PTPN12: variants seen among roughly 807,000 people sequenced by gnomAD.
PTPN12 encodes the protein tyrosine-protein phosphatase non-receptor type 12.
In PTPN12, 29 loss-of-function variants were observed where a neutral mutation model predicts 97.6. That is an observed-to-expected ratio of 0.30 (90% confidence interval 0.22 to 0.41). The LOEUF is 0.41. PTPN12 is among the 10% of genes least tolerant of loss of function. The pLI, the probability that PTPN12 is intolerant of heterozygous loss-of-function variation, is 1.00. For missense variants in PTPN12, 819 were observed against 926.0 expected, an observed-to-expected ratio of 0.88 and a Z score of 1.50; for synonymous variants, 327 against 300.4, an observed-to-expected ratio of 1.09 and a Z score of -0.91.
chr7:77,604,014 G>A (rs919185373), intron 8 of PTPN12, among the ~76,000 whole-genome samples: 48 of 144,482 alleles, frequency 3.3e-4, no homozygotes, highest in African/African-American at 1.1e-3. Flanking sequence ...TCAGCCTCCC[G>A]AGTACTGGGA....
At chr7:77,601,053 C>A (rs1788173480) in intron 8 of PTPN12, 1 of 371,578 alleles carries the variant, frequency 2.7e-6, no homozygotes, top group Admixed American at 4.3e-5. Context: ...ATAGAACATA[C>A]TCTTTTTACT....
chr7:77,625,520 T>TCTCA (rs202145241), intron 12 of PTPN12, among the ~76,000 whole-genome samples: 18 of 74,220 alleles, frequency 2.4e-4, no homozygotes, highest in Non-Finnish European at 3.1e-4. Flanking sequence ...TCTCTCTCTC[T>TCTCA]CTCACTCTCA....
intron 1 of PTPN12, among the ~76,000 whole-genome samples, chr7:77,559,349 G>T (rs1003862844): frequency 1.3e-5 from 2 of 152,192 alleles, no homozygotes; most frequent in Non-Finnish European, 2.9e-5. Flanking sequence ...ATAGCTCTGA[G>T]TATGGTTATA....
In PTPN12 at chr7:77,639,400, A is replaced by G. The variant is rs760626264; in HGVS notation, c.*120A>G. ...AACAGCAGTGTAGATTGTTACCTTAATATTTTTTGCTGGGACCATCTACCT... is the reference window on the plus strand; with the variant it reads ...AACAGCAGTGTAGATTGTTACCTTAGTATTTTTTGCTGGGACCATCTACCT... On this transcript the variant is annotated 3_prime_UTR_variant, in exon 18 of 18. Transcript: ENST00000248594. The G allele has an allele frequency of 1.3e-6, 1 of 789,646 alleles. No homozygotes were observed. Among genetic ancestry groups the G allele is most frequent in the South Asian group, 1.9e-5 (1 of 53,394 alleles). The allele number at this position is 789,646 out of a possible 1,614,324, so 48.9% of individuals were successfully genotyped here.
chr7:77,626,932 A>G lies in PTPN12; in HGVS notation c.1253A>G (p.Lys418Arg), dbSNP rs1299703054. 1 of 1,609,244 alleles carries G rather than the reference A, an allele frequency of 6.2e-7. No homozygotes were observed. Among genetic ancestry groups the G allele is most frequent in the Admixed American group, 1.7e-5 (1 of 58,380 alleles). Residue 418 changes from lysine (K) to arginine (R), a missense_variant, in exon 13 of 18, where the codon AAA becomes AGA. Lys to Arg is a conservative substitution (Grantham distance 26). Transcript: ENST00000248594. ...AGTAAATCAACAGAACTTCCAGGGA[A>G]AAATGAATCAACAATTGAACAGATA... ...NYSKSTELPG[K>R]NESTIEQIDK...
At chr7:77,609,708 GTC>G (rs1289141778) in intron 9 of PTPN12, among the ~76,000 whole-genome samples, 3 of 149,846 alleles carry the variant, frequency 2.0e-5, no homozygotes, top group South Asian at 2.1e-4. Flanking sequence ...GTGAAACCCT[GTC>G]TCTACTAAAA....
chr7:77,582,404 GAT>G (rs1270723457), intron 3 of PTPN12, among the ~76,000 whole-genome samples: 1 of 151,956 alleles, frequency 6.6e-6, no homozygotes, highest in Non-Finnish European at 1.5e-5. Flanking sequence ...TCTTTCAAGT[GAT>G]ATGATAGTAT....
intron 1 of PTPN12, among the ~76,000 whole-genome samples, chr7:77,551,420 T>G (rs946814412): frequency 6.6e-6 from 1 of 152,212 alleles, no homozygotes; most frequent in Non-Finnish European, 1.5e-5. Context: ...ACCAACTGAG[T>G]GGCAATTTGT....
chr7:77,583,126 CT>C (rs1787576847), intron 3 of PTPN12, among the ~76,000 whole-genome samples: 1 of 152,126 alleles, frequency 6.6e-6, no homozygotes, highest in Admixed American at 6.5e-5. Context: ...GCTTGATAAA[CT>C]TTTGAGTTGA....
intron 2 of PTPN12, among the ~76,000 whole-genome samples, chr7:77,575,177 T>C (rs960527165): frequency 3.3e-5 from 5 of 152,108 alleles, no homozygotes; most frequent in Admixed American, 3.3e-4. Context: ...GATATGTGCT[T>C]ATTTACTGTT....
chr7:77,625,493 C>CTCTT (rs1414511242), intron 12 of PTPN12, among the ~76,000 whole-genome samples: 7 of 103,648 alleles, frequency 6.8e-5, no homozygotes, highest in Non-Finnish European at 1.0e-4. Context: ...CTCTCTCTCT[C>CTCTT]TCTCTCTCTC....
chr7:77,579,270 C>T (rs996239888), intron 2 of PTPN12, among the ~76,000 whole-genome samples: 3 of 152,124 alleles, frequency 2.0e-5, no homozygotes, highest in Admixed American at 2.0e-4. Flanking sequence ...TACAGGCATG[C>T]GCCACGATGC....
intron 1 of PTPN12, among the ~76,000 whole-genome samples, chr7:77,554,338 CA>C (rs1254319008): frequency 5.3e-5 from 8 of 152,170 alleles, no homozygotes; most frequent in Non-Finnish European, 7.3e-5. Flanking sequence ...AGTCCATTTT[CA>C]GGTAACACTG....
intron 1 of PTPN12, among the ~76,000 whole-genome samples, chr7:77,561,769 T>G (rs1027187198): frequency 9.9e-5 from 15 of 151,600 alleles, no homozygotes; most frequent in African/African-American, 3.6e-4. Flanking sequence ...TTTAATTAAT[T>G]AATTAATTAA....
rs542774119 is a variant in PTPN12 at position 77,540,180 on chromosome 7, T to C, written c.99+2535T>C. On this transcript the variant is annotated intron_variant, in intron 1 of 17. Transcript: ENST00000248594. ...ACTGGAGAAGTGGCCTTAGGGTTCA[T>C]GCTTTGGGGATGAGTCAGGGATTCC... Among the ~76,000 whole-genome samples the C allele has an allele frequency of 1.2e-4, 18 of 152,214 alleles. No homozygotes were observed. The East Asian group carries it at 3.5e-3, about 29-fold the overall frequency.
intron 1 of PTPN12, among the ~76,000 whole-genome samples, chr7:77,546,658 A>G (rs1807232783): frequency 6.6e-6 from 1 of 152,180 alleles, no homozygotes; most frequent in Admixed American, 6.5e-5. Context: ...TGTGGACTGT[A>G]TTAGTCCATT....
chr7:77,625,472 G>GCTCGCGCGCGCTCTCTCTCT, intron 12 of PTPN12, among the ~76,000 whole-genome samples: 540 of 33,504 alleles, frequency 0.016, 107 homozygotes, highest in Middle Eastern at 0.062. Flanking sequence ...CAGGCTGCTC[G>GCTCGCGCGCGCTCTCTCTCT]CTCTCTCTCT....
At chr7:77,586,345 G>A (rs1456776260) in intron 5 of PTPN12, among the ~76,000 whole-genome samples, 1 of 152,172 alleles carries the variant, frequency 6.6e-6, no homozygotes, top group East Asian at 1.9e-4. Context: ...GCTGGTAAAG[G>A]GTTTTGTTGA....
In PTPN12 at chr7:77,627,693, A is replaced by T; in HGVS notation, c.1996+18A>T. The T allele has an allele frequency of 6.6e-7, 1 of 1,526,322 alleles. No homozygotes were observed. Among genetic ancestry groups the T allele is most frequent in the Non-Finnish European group, 8.8e-7 (1 of 1,142,472 alleles). The allele number at this position is 1,526,322 out of a possible 1,614,324, so 94.5% of individuals were successfully genotyped here. ...TGAAAAAGGTAATAATATAGTGTCA[A>T]ATACTTAAATGTCTTTCCTATGTGC... On this transcript the variant is annotated intron_variant, in intron 13 of 17. Transcript: ENST00000248594.
Sources: allele counts gnomAD v4.1 joint callset (sites outside exome capture counted in the v4.1 genomes callset), GRCh38; gene constraint gnomAD v4.1.1; transcripts MANE v1.5; gene names NCBI Gene and HGNC (gene_info 2026-07-23, HGNC 2026-07-21).